Variants in COL22A1 observed in about 807,000 individuals in gnomAD.
COL22A1 encodes the protein collagen alpha-1(XXII) chain.
In COL22A1, 221 loss-of-function variants were observed where a neutral mutation model predicts 248.9. The ratio of observed to expected loss-of-function variants is 0.89; its 90% confidence interval spans 0.80 to 0.99. The LOEUF (loss-of-function observed/expected upper bound fraction) is 0.99, where lower values mean the gene tolerates loss of function less well. Among genes scored for constraint, COL22A1 ranks in the 50% least tolerant of loss-of-function variants. COL22A1 has a pLI of 0.00. For missense variants in COL22A1, 2,240 were observed against 2,179.0 expected (o/e 1.03, Z -0.56); for synonymous variants, 891 against 793.4 (o/e 1.12, Z -2.07).
chr8:138,629,981 C>G (rs1820574247), intron 50 of COL22A1, among the ~76,000 whole-genome samples: 3 of 152,126 alleles, frequency 2.0e-5, no homozygotes, highest in Non-Finnish European at 4.4e-5. Flanking sequence ...GATTCATGGC[C>G]TTTCTAACTT....
At chr8:138,818,614 C>A (rs1049179747) in intron 7 of COL22A1, among the ~76,000 whole-genome samples, 1 of 152,170 alleles carries the variant, frequency 6.6e-6, no homozygotes, top group Non-Finnish European at 1.5e-5. Context: ...TCCTCCAATT[C>A]TCCAGGAGCA....
Position 138,877,906 on chromosome 8 carries a change from C to A in COL22A1, c.502G>T (p.Ala168Ser), listed in dbSNP as rs780499327. The A allele has an allele frequency of 3.7e-6, 6 of 1,610,174 alleles. No homozygotes were observed. The highest frequency in any genetic ancestry group is 2.2e-5 in the East Asian group (1 of 44,762). Reference protein sequence around the residue: ...VLDAAAAAHRAGIRIFAVGVG... With the variant: ...VLDAAAAAHRSGIRIFAVGVG... ...CCCACGGCAAAGATGCGGATGCCAG[C>A]GCGGTGGGCTGCCGCCGCGGCGTCC... Residue 168 changes from alanine to serine, a missense_variant, in exon 3 of 65, where the codon GCT (alanine) becomes TCT (serine). Ala to Ser is a moderately conservative substitution (Grantham distance 99, BLOSUM62 1). Transcript: ENST00000303045.
chr8:138,877,677 G>T, intron 3 of COL22A1, 73 bp downstream of exon 3: 1 of 1,432,112 alleles, frequency 7.0e-7, no homozygotes, highest in South Asian at 1.4e-5. Flanking sequence ...CTATCTGCCC[G>T]AGGACCCCTC....
chr8:138,878,581 C>A (rs1052071165), intron 2 of COL22A1, among the ~76,000 whole-genome samples: 2 of 152,158 alleles, frequency 1.3e-5, no homozygotes, highest in Non-Finnish European at 1.5e-5. Context: ...TAACACCCAC[C>A]GCACAGCACT....
chr8:138,771,285 G>A (rs1451152212), intron 16 of COL22A1, among the ~76,000 whole-genome samples: 1 of 152,212 alleles, frequency 6.6e-6, no homozygotes, highest in Non-Finnish European at 1.5e-5. Flanking sequence ...GACAGTCTAG[G>A]GGAAATACGC....
intron 41 of COL22A1, among the ~76,000 whole-genome samples, chr8:138,666,672 A>G (rs1379553063): frequency 1.3e-5 from 2 of 152,160 alleles, no homozygotes; most frequent in African/African-American, 2.4e-5. Context: ...GTATTCCTTA[A>G]GGAAAGGGCA....
At chr8:138,696,791 A>C (rs1045061573) in intron 32 of COL22A1, among the ~76,000 whole-genome samples, 4 of 152,230 alleles carry the variant, frequency 2.6e-5, no homozygotes, top group Non-Finnish European at 5.9e-5. Context: ...TCCTCTGCCT[A>C]GAATCTCCAT....
chr8:138,761,675 A>G (rs1833497240), intron 17 of COL22A1, among the ~76,000 whole-genome samples: 1 of 152,108 alleles, frequency 6.6e-6, no homozygotes, highest in Non-Finnish European at 1.5e-5. Flanking sequence ...GTATTTTACT[A>G]ATTGGCTTTA....
intron 7 of COL22A1, among the ~76,000 whole-genome samples, chr8:138,819,104 A>G (rs1818899139): frequency 6.6e-6 from 1 of 152,176 alleles, no homozygotes; most frequent in Non-Finnish European, 1.5e-5. Flanking sequence ...TGGTATGCAC[A>G]GGGTTTTTGA....
chr8:138,767,054 C>CTG (rs1356229596), intron 16 of COL22A1, among the ~76,000 whole-genome samples: 2 of 152,240 alleles, frequency 1.3e-5, no homozygotes, highest in East Asian at 3.9e-4. Flanking sequence ...CACGCTCCAG[C>CTG]TGTGTGACCT....
chr8:138,738,624 C>A (rs1362946742), intron 22 of COL22A1, among the ~76,000 whole-genome samples: 1 of 152,092 alleles, frequency 6.6e-6, no homozygotes, highest in Admixed American at 6.5e-5. Context: ...GTGTGCAAAT[C>A]GAGGCTCAGA....
intron 59 of COL22A1, 116 bp from the exon 60 acceptor site, chr8:138,602,275 A>T: frequency 1.2e-5 from 12 of 980,594 alleles, no homozygotes; most frequent in Non-Finnish European, 1.7e-5. Context: ...TCAAAAGATA[A>T]GGTCCCCCGA....
At chr8:138,712,939 TCA>T (rs1254517240) in intron 30 of COL22A1, among the ~76,000 whole-genome samples, 1 of 152,194 alleles carries the variant, frequency 6.6e-6, no homozygotes, top group East Asian at 1.9e-4. Context: ...ACGTGTTCTA[TCA>T]GTCTTCTTAG....
intron 16 of COL22A1, among the ~76,000 whole-genome samples, chr8:138,763,737 A>AT (rs887428113): frequency 7.9e-5 from 12 of 151,866 alleles, no homozygotes; most frequent in African/African-American, 2.9e-4. Flanking sequence ...CCTGCCTCCT[A>AT]TTCCCTCCGC....
At chr8:138,759,234 C>G (rs1414190821) in intron 18 of COL22A1, among the ~76,000 whole-genome samples, 1 of 152,190 alleles carries the variant, frequency 6.6e-6, no homozygotes, top group Non-Finnish European at 1.5e-5. Context: ...ATAACAGATA[C>G]CTTGTCTGCT....
chr8:138,851,955 G>A (rs1821673929), intron 3 of COL22A1, among the ~76,000 whole-genome samples: 1 of 152,128 alleles, frequency 6.6e-6, no homozygotes, highest in Non-Finnish European at 1.5e-5. Flanking sequence ...TCTAAGGCAG[G>A]GATGGAAGAG....
chr8:138,738,797 G>A (rs1004193798), intron 22 of COL22A1, among the ~76,000 whole-genome samples: 2 of 152,206 alleles, frequency 1.3e-5, no homozygotes, highest in Non-Finnish European at 2.9e-5. Flanking sequence ...CTGTGAGATT[G>A]TAAAACTTGA....
intron 3 of COL22A1, among the ~76,000 whole-genome samples, chr8:138,876,192 C>T (rs549789167): frequency 2.0e-5 from 3 of 152,276 alleles, no homozygotes; most frequent in Admixed American, 2.0e-4. Flanking sequence ...ACGGGCCCAT[C>T]ATGGTTCATT....
At chr8:138,608,340 C>T (rs1818584911) in intron 56 of COL22A1, among the ~76,000 whole-genome samples, 1 of 152,186 alleles carries the variant, frequency 6.6e-6, no homozygotes, top group Admixed American at 6.5e-5. Context: ...AACAAACAAA[C>T]CATCTAATAC....
Sources: gnomAD v4.1 joint callset for allele counts (sites outside exome capture counted in the v4.1 genomes callset) on GRCh38, gnomAD v4.1.1 for gene constraint, MANE v1.5 for transcripts, NCBI Gene and HGNC (gene_info 2026-07-23, HGNC 2026-07-21) for gene names.